Variants in KCNB2 observed in about 807,000 individuals in gnomAD.
KCNB2 encodes potassium voltage-gated channel subfamily B member 2.
In KCNB2, 15 loss-of-function variants were observed where a neutral mutation model predicts 61.5. The observed-to-expected ratio is 0.24, with a 90% confidence interval of 0.16 to 0.38. The LOEUF is 0.38. Ranked by LOEUF, KCNB2 falls within the 10% of genes least tolerant of loss-of-function variation. The probability of loss-of-function intolerance (pLI) is 1.00; values close to 1 mark genes in which losing one functional copy is unlikely to be tolerated. For synonymous variants in KCNB2, 457 were observed against 446.0 expected (o/e 1.02, Z -0.31); for missense variants, 828 against 1,125.2 (o/e 0.74, Z 3.78).
intron 2 of KCNB2, among the ~76,000 whole-genome samples, chr8:72,911,111 G>A (rs1297624497): frequency 2.6e-5 from 4 of 152,170 alleles, no homozygotes; most frequent in Non-Finnish European, 4.4e-5. Flanking sequence ...CATTGCATGT[G>A]TATTCACTTG....
At chr8:72,881,872 G>A (rs942897222) in intron 2 of KCNB2, 2 of 152,092 alleles carry the variant, frequency 1.3e-5, no homozygotes, top group Non-Finnish European at 2.9e-5. Context: ...GGCCAGAAAA[G>A]AGCCAGTGAA....
intron 2 of KCNB2, among the ~76,000 whole-genome samples, chr8:72,762,882 A>AATATAT (rs10551590): frequency 0.077 from 10,832 of 141,306 alleles, 668 homozygotes; most frequent in East Asian, 0.34. Flanking sequence ...CATATTAACA[A>AATATAT]ATATATATAT....
chr8:72,737,922 G>A (rs1046264953), intron 2 of KCNB2, among the ~76,000 whole-genome samples: 4 of 152,196 alleles, frequency 2.6e-5, no homozygotes, highest in East Asian at 1.9e-4. Context: ...ATATCCAAAT[G>A]AGATGCAGGA....
chr8:72,896,732 C>G (rs1200927758), intron 2 of KCNB2, among the ~76,000 whole-genome samples: 1 of 152,050 alleles, frequency 6.6e-6, no homozygotes. Context: ...TCTCACTGTG[C>G]TTTTTCAAAA....
chr8:72,560,078 A>G (rs1373164965), intron 1 of KCNB2, among the ~76,000 whole-genome samples: 1 of 152,224 alleles, frequency 6.6e-6, no homozygotes, highest in Non-Finnish European at 1.5e-5. Flanking sequence ...CTTTTAATAC[A>G]GGCACATTAC....
intron 2 of KCNB2, among the ~76,000 whole-genome samples, chr8:72,699,942 C>A (rs1319481553): frequency 6.6e-6 from 1 of 152,070 alleles, no homozygotes; most frequent in Non-Finnish European, 1.5e-5. Context: ...TTGGAACCAA[C>A]CCAAATGCCC....
chr8:72,886,259 C>T (rs982944870), intron 2 of KCNB2, among the ~76,000 whole-genome samples: 5 of 152,176 alleles, frequency 3.3e-5, no homozygotes, highest in East Asian at 1.9e-4. Context: ...CCTGTTACTC[C>T]GATCTGCATT....
intron 2 of KCNB2, among the ~76,000 whole-genome samples, chr8:72,726,536 T>C (rs1807653861): frequency 6.6e-6 from 1 of 152,218 alleles, no homozygotes; most frequent in Non-Finnish European, 1.5e-5. Flanking sequence ...AGCCAGACTA[T>C]AAGACAGTAT....
At position 72,741,408 on chromosome 8, in the gene KCNB2, T is replaced by C. The variant is rs186381808; in HGVS notation, c.579+173095T>C. 3.9e-5 allele frequency among the ~76,000 whole-genome samples: 6 copies of C among 152,286 alleles called. No individual in the cohort carries two copies. The East Asian group carries it at 1.2e-3, about 29-fold the overall frequency. On this transcript the variant is annotated intron_variant, in intron 2 of 2. Transcript: ENST00000523207. ...TTAGTGACTCTCTTATCTGTGCATA[T>C]ATTTCTTTTCTTATTATTATTATTT...
intron 2 of KCNB2, among the ~76,000 whole-genome samples, chr8:72,860,909 A>G (rs1012445127): frequency 6.6e-6 from 1 of 152,226 alleles, no homozygotes. Flanking sequence ...ATGTGTGTGT[A>G]TACTGTATTA....
intron 2 of KCNB2, among the ~76,000 whole-genome samples, chr8:72,851,132 C>G (rs1230458909): frequency 1.7e-4 from 1 of 5,922 alleles, no homozygotes; most frequent in Non-Finnish European, 1.7e-3. Context: ...AGATTATGAT[C>G]AAACTGGCTC....
chr8:72,749,978 C>T (rs181600691), intron 2 of KCNB2, among the ~76,000 whole-genome samples: 230 of 151,534 alleles, frequency 1.5e-3, no homozygotes, highest in Admixed American at 3.6e-3. Flanking sequence ...CCCTGCCTCC[C>T]CACACTCACA....
At chr8:72,711,097 T>G (rs924313265) in intron 2 of KCNB2, among the ~76,000 whole-genome samples, 2 of 152,358 alleles carry the variant, frequency 1.3e-5, no homozygotes, top group African/African-American at 4.8e-5. Context: ...GGACCCTGAC[T>G]GATGGAGCGC....
intron 2 of KCNB2, among the ~76,000 whole-genome samples, chr8:72,829,749 A>T (rs950688097): frequency 6.6e-6 from 1 of 152,066 alleles, no homozygotes; most frequent in African/African-American, 2.4e-5. Flanking sequence ...ATATTGTTCT[A>T]TTTGGCTTTG....
intron 2 of KCNB2, among the ~76,000 whole-genome samples, chr8:72,641,761 A>G (rs1806059134): frequency 6.6e-6 from 1 of 152,122 alleles, no homozygotes; most frequent in African/African-American, 2.4e-5. Flanking sequence ...CATCTGTAAA[A>G]TGAATACAGT....
chr8:72,699,435 G>A (rs1324496511), intron 2 of KCNB2, among the ~76,000 whole-genome samples: 1 of 83,320 alleles, frequency 1.2e-5, no homozygotes. Flanking sequence ...ACTTTTTGAT[G>A]GGGTTGTTTG....
In KCNB2 at chr8:72,907,815, T is replaced by G. The variant is rs902324800; in HGVS notation, c.580-28120T>G. 2.0e-5 allele frequency among the ~76,000 whole-genome samples: 3 copies of G among 152,152 alleles called. No individual in the cohort carries two copies. In the East Asian group the frequency reaches 5.8e-4, roughly 29 times the overall value. On this transcript the variant is annotated intron_variant, in intron 2 of 2. Transcript: ENST00000523207. The stretch of plus-strand genomic sequence containing the variant: ...CTGTCTGTGAACCCAATGGACAAAT[T>G]TAGAAGTTTATAGCCTTAATATACC...
rs1806958864 is a variant in KCNB2, at chr8:72,937,812, A to G, written c.2457A>G (p.Pro819=). The change falls in exon 3 of 3, where the codon CCA becomes CCG. Residue 819 remains proline (P), a synonymous_variant. Coordinates refer to ENST00000523207, the MANE Select transcript of KCNB2 (RefSeq NM_004770.3). ...ACGACGAAGACTTCTTAGAGCTCCC[A>G]GGGGCAAGGGAGGAGAAGCAGGTGG... ...TGDDEDFLEL[P]GAREEKQVDS... 6.8e-6 allele frequency: 11 copies of G among 1,614,136 alleles called. No individual in the cohort carries two copies. The highest frequency in any genetic ancestry group is 9.3e-6 in the Non-Finnish European group (11 of 1,180,020).
In KCNB2 at chr8:72,937,286, AAAGAGCT is replaced by A. The variant is rs1201803963; in HGVS notation, c.1933_1939del (p.Arg645GlyfsTer6). 6.2e-7 allele frequency: 1 copy of A among 1,613,802 alleles called. No homozygotes were observed. Among genetic ancestry groups the A allele is most frequent in the African/African-American group, 1.3e-5 (1 of 74,878 alleles). ...GACCTCCCAGGGACAGAAGAGCACC[AAAGAGCT>A]AGGGGCCCCCCGTTTCTAACTCTAT... On this transcript the variant is annotated frameshift_variant, in exon 3 of 3. Transcript: ENST00000523207. LOFTEE classifies it high-confidence loss of function.
Sources: gnomAD v4.1 joint callset for allele counts (sites outside exome capture counted in the v4.1 genomes callset) on GRCh38, gnomAD v4.1.1 for gene constraint, MANE v1.5 for transcripts, NCBI Gene and HGNC (gene_info 2026-07-23, HGNC 2026-07-21) for gene names.